The following SMC4 variants were observed in gnomAD, a reference collection of about 807,000 sequenced individuals.
The protein encoded by SMC4 is structural maintenance of chromosomes 4.
SMC4 carries 87 observed loss-of-function variants against 145.6 expected under a neutral mutation model. The observed-to-expected ratio is 0.60, with a 90% CI of 0.50 to 0.71. The LOEUF is 0.71. SMC4 is among the 30% of genes least tolerant of loss of function. The pLI is 0.00. For missense variants in SMC4, 1,447 were observed against 1,537.1 expected, an observed-to-expected ratio of 0.94 and a Z score of 0.98; for synonymous variants, 558 against 500.7, an observed-to-expected ratio of 1.11 and a Z score of -1.53.
chr3:160,429,676 T>C (rs1359989526), intron 18 of SMC4, among the ~76,000 whole-genome samples: 2 of 150,804 alleles, frequency 1.3e-5, no homozygotes, highest in African/African-American at 4.9e-5. Context: ...CTAGAAGATT[T>C]CATTGTCCTT....
chr3:160,430,972 AATGTG>A, intron 19 of SMC4, 55 bp from the exon 20 acceptor site: 1 of 1,501,092 alleles, frequency 6.7e-7, no homozygotes, highest in Admixed American at 2.3e-5. Context: ...TCATCTCTGT[AATGTG>A]AAAATGATGG....
chr3:160,418,029 C>T (rs1258948447), intron 11 of SMC4, 73 bp downstream of exon 11: 2 of 1,240,176 alleles, frequency 1.6e-6, no homozygotes, highest in Non-Finnish European at 1.1e-6. Context: ...TGTTTTTAAT[C>T]TCCGCGTCAG....
intron 4 of SMC4, 36 bp from the exon 5 acceptor site, chr3:160,404,292 A>T: frequency 6.3e-7 from 1 of 1,574,868 alleles, no homozygotes; most frequent in Non-Finnish European, 8.6e-7. Flanking sequence ...CTTAATACCA[A>T]CAATTGTTTT....
At chr3:160,413,100 A>AATC (rs989242666) in intron 7 of SMC4, among the ~76,000 whole-genome samples, 1 of 151,566 alleles carries the variant, frequency 6.6e-6, no homozygotes, top group Admixed American at 6.6e-5. Flanking sequence ...ACACCTGGCT[A>AATC]ATTATTATTA....
rs11927111 is a variant in SMC4 at position 160,412,891 on chromosome 3, G to A, written c.980+438G>A. On this transcript the variant is annotated intron_variant, in intron 7 of 23. Transcript: ENST00000357388. ...TTATTACTGTACTCAGTCCTTTTACGTGTGCACTTTTTAAAATTCGTGTAA... is the reference window on the plus strand; with the variant it reads ...TTATTACTGTACTCAGTCCTTTTACATGTGCACTTTTTAAAATTCGTGTAA... 432 of 802,448 alleles carry A rather than the reference G, an allele frequency of 5.4e-4. 3 individuals carry two copies. The African/African-American group carries it at 7.0e-3, about 13-fold the overall frequency. 49.7% of individuals were successfully genotyped at this position (802,448 alleles called of 1,614,324 possible). A position where few individuals can be genotyped will look rare whatever the true frequency, so the allele number is the denominator to read the frequency against.
At chr3:160,404,724 T>C (rs1174971143) in intron 5 of SMC4, 4 of 679,500 alleles carry the variant, frequency 5.9e-6, no homozygotes, top group Non-Finnish European at 8.5e-6. Flanking sequence ...TCGTTTTATG[T>C]TTGGATGAAC....
chr3:160,415,895 T>C (rs183330542), intron 9 of SMC4, among the ~76,000 whole-genome samples: 2 of 152,330 alleles, frequency 1.3e-5, no homozygotes, highest in Admixed American at 6.5e-5. Flanking sequence ...AGTTATGATA[T>C]ACCAGGAAGG....
chr3:160,409,036 A>G (rs73154583), intron 5 of SMC4, among the ~76,000 whole-genome samples: 5,123 of 148,920 alleles, frequency 0.034, 125 homozygotes, highest in Middle Eastern at 0.066. Flanking sequence ...GGAGGCCCAG[A>G]CGGGCGGATC....
Position 160,429,980 on chromosome 3 carries a change from G to A in SMC4, c.2796-619G>A, listed in dbSNP as rs1718218237. 2.0e-5 allele frequency among the ~76,000 whole-genome samples: 3 copies of A among 151,208 alleles called. 1 individual carries two copies. In the South Asian group the frequency reaches 6.3e-4, roughly 32 times the overall value. The stretch of plus-strand genomic sequence containing the variant: ...TCCCCCTGCCTCAGCCTCCCAAAGT[G>A]CTGGGATTACAGGCATGAGCCACCG... On this transcript the variant is annotated intron_variant, in intron 18 of 23. Transcript: ENST00000357388.
chr3:160,419,892 C>G (rs1716987623), intron 12 of SMC4, among the ~76,000 whole-genome samples: 1 of 151,896 alleles, frequency 6.6e-6, no homozygotes, highest in Admixed American at 6.6e-5. Context: ...ATCACTTGAG[C>G]CTAGGAGTTC....
chr3:160,421,757 A>G (rs749838467), intron 13 of SMC4, among the ~76,000 whole-genome samples: 26 of 152,018 alleles, frequency 1.7e-4, no homozygotes, highest in Non-Finnish European at 3.4e-4. Flanking sequence ...AAACAAAACA[A>G]TCATTTTAAA....
At chr3:160,421,449 A>C (rs1717166668) in intron 13 of SMC4, among the ~76,000 whole-genome samples, 1 of 152,186 alleles carries the variant, frequency 6.6e-6, no homozygotes, top group African/African-American at 2.4e-5. Flanking sequence ...ACCTACAATA[A>C]AATTTATCAT....
intron 5 of SMC4, among the ~76,000 whole-genome samples, chr3:160,407,166 C>T (rs1440030981): frequency 2.6e-5 from 4 of 152,138 alleles, no homozygotes; most frequent in Admixed American, 2.6e-4. Flanking sequence ...TTTGTAAACT[C>T]CTCAAAAGCT....
Position 160,432,441 on chromosome 3 carries a change from GCTTA to G in SMC4, c.3460_3463del (p.Thr1154TrpfsTer10). On this transcript the variant is annotated frameshift_variant, in exon 22 of 24. Coordinates refer to ENST00000357388, the MANE Select transcript of SMC4 (RefSeq NM_001002800.3). LOFTEE classifies it high-confidence loss of function. ...ATAAATTAAAGGAAAATTACCAAATGCTTACTTTGGGAGGGGACGCCGAACTCGA... is the reference window on the plus strand; with the variant it reads ...ATAAATTAAAGGAAAATTACCAAATGCTTTGGGAGGGGACGCCGAACTCGA... 1.2e-6 allele frequency: 2 copies of G among 1,613,156 alleles called. No homozygotes were observed. Among genetic ancestry groups the G allele is most frequent in the African/African-American group, 1.3e-5 (1 of 74,972 alleles).
At chr3:160,420,377 A>G (rs769128929) in intron 12 of SMC4, among the ~76,000 whole-genome samples, 18 of 152,220 alleles carry the variant, frequency 1.2e-4, no homozygotes, top group Non-Finnish European at 2.5e-4. Context: ...AAACCAGTGA[A>G]TACTGCTAGA....
intron 22 of SMC4, 135 bp from the exon 23 acceptor site, chr3:160,432,891 A>C (rs941832722): frequency 3.1e-6 from 2 of 640,444 alleles, no homozygotes; most frequent in East Asian, 2.7e-5. Flanking sequence ...ATAACAGAAA[A>C]GAGAATTCAT....
chr3:160,427,353 G>T (rs1560011823), intron 17 of SMC4, among the ~76,000 whole-genome samples: 1 of 152,214 alleles, frequency 6.6e-6, no homozygotes, highest in East Asian at 1.9e-4. Context: ...AAAGGCTGAA[G>T]CAGGAGTATG....
chr3:160,419,959 A>T (rs902629955), intron 12 of SMC4, among the ~76,000 whole-genome samples: 149 of 152,148 alleles, frequency 9.8e-4, no homozygotes, highest in African/African-American at 3.3e-3. Context: ...AATTAAAAAA[A>T]ATTTTTTTAT....
chr3:160,400,634 T>C, intron 1 of SMC4, 188 bp from the exon 2 acceptor site: 1 of 639,976 alleles, frequency 1.6e-6, no homozygotes. Flanking sequence ...ATAGGTCTTG[T>C]TAAGAAACCA....
Sources: allele counts gnomAD v4.1 joint callset (sites outside exome capture counted in the v4.1 genomes callset), GRCh38; gene constraint gnomAD v4.1.1; transcripts MANE v1.5; gene names NCBI Gene and HGNC (gene_info 2026-07-23, HGNC 2026-07-21).